DKK2: variants seen among roughly 807,000 people sequenced by gnomAD.
DKK2 encodes dickkopf-related protein 2.
Under a neutral mutation model 28.1 loss-of-function variants are expected in DKK2, and 11 were observed. The ratio of observed to expected loss-of-function variants is 0.39; its 90% CI spans 0.25 to 0.65. DKK2 has a LOEUF of 0.65. DKK2 is among the 30% of genes least tolerant of loss of function. The pLI is 0.47. For missense variants in DKK2, 326 were observed against 335.5 expected (o/e 0.97, Z 0.22); for synonymous variants, 135 against 126.5 (o/e 1.07, Z -0.45).
intron 2 of DKK2, among the ~76,000 whole-genome samples, chr4:106,925,485 AG>A (rs1222771672): frequency 6.6e-6 from 1 of 152,244 alleles, no homozygotes; most frequent in African/African-American, 2.4e-5. Context: ...AATCATATCA[AG>A]TTTCTTTCTT....
At chr4:107,027,756 A>ATTTTTTT (rs71590176) in intron 1 of DKK2, among the ~76,000 whole-genome samples, 5 of 135,322 alleles carry the variant, frequency 3.7e-5, no homozygotes, top group African/African-American at 1.1e-4. Context: ...ACCTATTATG[A>ATTTTTTT]TTTTTTTTTT....
intron 1 of DKK2, among the ~76,000 whole-genome samples, chr4:106,979,381 C>A (rs1722994098): frequency 6.6e-6 from 1 of 150,936 alleles, no homozygotes; most frequent in Non-Finnish European, 1.5e-5. Flanking sequence ...CTCAAAAAAT[C>A]AGATTCTTTC....
intron 1 of DKK2, among the ~76,000 whole-genome samples, chr4:106,943,553 C>T (rs1478113967): frequency 6.6e-6 from 1 of 151,976 alleles, no homozygotes; most frequent in East Asian, 1.9e-4. Context: ...TATTTATAAC[C>T]TATACAGTAT....
chr4:106,923,377 T>A lies in DKK2; in HGVS notation c.*577A>T, dbSNP rs1473336390. Reference sequence around the variant, plus strand: ...TTTGCAATTATTTGGAAATATTGACTGATTTTTTTCTTATCTACCAAGACT... The same window carrying A: ...TTTGCAATTATTTGGAAATATTGACAGATTTTTTTCTTATCTACCAAGACT... On this transcript the variant is annotated 3_prime_UTR_variant, in exon 4 of 4. Coordinates refer to ENST00000285311, the MANE Select transcript of DKK2 (RefSeq NM_014421.3). 6.6e-6 allele frequency: 1 copy of A among 152,280 alleles called. No individual in the cohort carries two copies. The highest frequency in any genetic ancestry group is 2.4e-5 in the African/African-American group (1 of 41,464). 9.4% of individuals were successfully genotyped at this position (152,280 alleles called of 1,614,324 possible).
At chr4:107,009,212 T>C (rs1723481459) in intron 1 of DKK2, among the ~76,000 whole-genome samples, 1 of 151,738 alleles carries the variant, frequency 6.6e-6, no homozygotes. Flanking sequence ...AAAAAAAAAA[T>C]CCCCATTAAT....
At chr4:107,034,764 A>G (rs980282269) in intron 1 of DKK2, among the ~76,000 whole-genome samples, 1 of 152,064 alleles carries the variant, frequency 6.6e-6, no homozygotes, top group African/African-American at 2.4e-5. Flanking sequence ...AGGGAAGGAG[A>G]CCCTGAAAAG....
intron 1 of DKK2, among the ~76,000 whole-genome samples, chr4:107,034,194 C>A (rs1578386332): frequency 6.6e-6 from 1 of 152,088 alleles, no homozygotes; most frequent in Non-Finnish European, 1.5e-5. Flanking sequence ...AACCTTCAGC[C>A]GGCTGGCTGC....
chr4:107,032,441 T>C (rs1723888719), intron 1 of DKK2, among the ~76,000 whole-genome samples: 1 of 152,136 alleles, frequency 6.6e-6, no homozygotes, highest in African/African-American at 2.4e-5. Flanking sequence ...TATCTTTATA[T>C]GAAATCAGGC....
Position 106,923,806 on chromosome 4 carries a change from T to C in DKK2, c.*148A>G. 1.8e-6 allele frequency: 2 copies of C among 1,132,430 alleles called. No individual in the cohort carries two copies. Among genetic ancestry groups the C allele is most frequent in the Non-Finnish European group, 2.5e-6 (2 of 810,008 alleles). 70.1% of individuals were successfully genotyped at this position (1,132,430 alleles called of 1,614,324 possible). A position where few individuals can be genotyped will look rare whatever the true frequency, so the allele number is the denominator to read the frequency against. ...ATTCTAATCTATTCAGTTCATGTTT[T>C]CTTTCTCCCTTTTTGTGATCATCTA... On this transcript the variant is annotated 3_prime_UTR_variant, in exon 4 of 4. Transcript: ENST00000285311.
rs374647677 is a variant in DKK2 at position 107,009,342 on chromosome 4, CAGA to C, written c.222+26025_222+26027del. 1.8e-3 allele frequency among the ~76,000 whole-genome samples: 274 copies of C among 151,974 alleles called. 1 individual carries two copies. Among genetic ancestry groups the C allele is most frequent in the African/African-American group, 6.5e-3 (268 of 41,498 alleles). On this transcript the variant is annotated intron_variant, in intron 1 of 3. Coordinates refer to ENST00000285311, the MANE Select transcript of DKK2 (RefSeq NM_014421.3). ...GTGAAATGTAAAGGTAATGTTGCAA[CAGA>C]AGAAGGACCTTAGCTAATCTGGACT...
chr4:107,024,163 A>G (rs1318191407), intron 1 of DKK2, among the ~76,000 whole-genome samples: 1 of 152,144 alleles, frequency 6.6e-6, no homozygotes, highest in African/African-American at 2.4e-5. Flanking sequence ...ATATGACCCT[A>G]AAGCTTAGTT....
At chr4:106,972,162 C>T (rs1193282927) in intron 1 of DKK2, among the ~76,000 whole-genome samples, 1 of 151,950 alleles carries the variant, frequency 6.6e-6, no homozygotes, top group Non-Finnish European at 1.5e-5. Context: ...ATTTCTTGTG[C>T]CTGAAACCTA....
chr4:106,984,043 T>C (rs907628374), intron 1 of DKK2, among the ~76,000 whole-genome samples: 4 of 152,194 alleles, frequency 2.6e-5, no homozygotes, highest in Non-Finnish European at 5.9e-5. Context: ...CTCTGGCAGT[T>C]TGTCAATGTC....
intron 1 of DKK2, among the ~76,000 whole-genome samples, chr4:106,943,249 T>G (rs932728072): frequency 1.3e-5 from 2 of 152,124 alleles, no homozygotes; most frequent in Non-Finnish European, 2.9e-5. Context: ...TATGCTCTGT[T>G]GAATTCTTCG....
intron 1 of DKK2, among the ~76,000 whole-genome samples, chr4:106,961,174 A>G (rs1722679792): frequency 6.6e-6 from 1 of 152,092 alleles, no homozygotes; most frequent in African/African-American, 2.4e-5. Context: ...TTGGCTTGAC[A>G]ATATTTGTGA....
intron 1 of DKK2, among the ~76,000 whole-genome samples, chr4:106,929,303 T>G (rs534021024): frequency 6.6e-6 from 1 of 152,276 alleles, no homozygotes; most frequent in South Asian, 2.1e-4. Context: ...ACTAGATAAC[T>G]TTTCCTTTTT....
Position 107,036,152 on chromosome 4 carries a change from A to C in DKK2, c.-561T>G, listed in dbSNP as rs1723963202. On this transcript the variant is annotated 5_prime_UTR_variant, in exon 1 of 4. Transcript: ENST00000285311. ...GAGACGTCCCCGGACCGAATCCTCG[A>C]GATCTGAAGAGAATCGAGGTCCCCC... 6.5e-6 allele frequency: 1 copy of C among 153,126 alleles called. No homozygotes were observed. The highest frequency in any genetic ancestry group is 2.0e-4 in the South Asian group (1 of 4,880). The allele number at this position is 153,126 out of a possible 1,614,324, so 9.5% of individuals were successfully genotyped here. A position where few individuals can be genotyped will look rare whatever the true frequency, so the allele number is the denominator to read the frequency against.
At chr4:106,979,130 G>C (rs1722991036) in intron 1 of DKK2, among the ~76,000 whole-genome samples, 1 of 151,668 alleles carries the variant, frequency 6.6e-6, no homozygotes, top group Non-Finnish European at 1.5e-5. Context: ...ACTTCTCCAT[G>C]GATGACAGGA....
At chr4:106,966,588 T>A (rs1012452014) in intron 1 of DKK2, among the ~76,000 whole-genome samples, 1 of 152,186 alleles carries the variant, frequency 6.6e-6, no homozygotes, top group East Asian at 1.9e-4. Context: ...TGGGTTCTCT[T>A]TTCTTTAAAC....
Sources: allele counts gnomAD v4.1 joint callset (sites outside exome capture counted in the v4.1 genomes callset), GRCh38; gene constraint gnomAD v4.1.1; transcripts MANE v1.5; gene names NCBI Gene and HGNC (gene_info 2026-07-23, HGNC 2026-07-21).